Variants in SPAG6 observed in about 807,000 individuals in gnomAD.
SPAG6 encodes sperm associated antigen 6, also known as sperm-associated antigen 6.
In SPAG6, 49 loss-of-function variants were observed where a neutral mutation model predicts 58.5. That is an observed-to-expected ratio of 0.84 (90% CI 0.67 to 1.06). The LOEUF is 1.06. SPAG6 is among the 50% of genes least tolerant of loss of function. SPAG6 has a pLI of 0.00. For missense variants in SPAG6, 560 were observed against 611.3 expected (o/e 0.92, Z 0.89); for synonymous variants, 233 against 225.6 (o/e 1.03, Z -0.29).
intron 10 of SPAG6, chr10:22,412,571 A>C (rs570000933): frequency 1.0e-6 from 1 of 954,110 alleles, no homozygotes; most frequent in Non-Finnish European, 1.6e-6. Flanking sequence ...GCAGTGATAT[A>C]TCATAACATG....
chr10:22,383,096 G>A (rs573830768), intron 4 of SPAG6, among the ~76,000 whole-genome samples: 38 of 152,312 alleles, frequency 2.5e-4, no homozygotes, highest in African/African-American at 8.7e-4. Flanking sequence ...AATTTGAAAT[G>A]AGGCAATGAT....
rs1016657359 is a variant in SPAG6, at chr10:22,345,878, C to T, written c.121+60C>T. The T allele has an allele frequency of 1.9e-6, 3 of 1,581,870 alleles. No homozygotes were observed. The highest frequency in any genetic ancestry group is 2.6e-6 in the Non-Finnish European group (3 of 1,164,456). On this transcript the variant is annotated intron_variant, in intron 2 of 10. Transcript: ENST00000376624. This position sits in a 1 kb window ranked among gnomAD's most constrained non-coding sequence, Gnocchi z 6.3. ...CGCACTGAGTCCCCGACGCCTCCGC[C>T]CCGCTGCCCTGCCCGTGGAGCTCTT...
At position 22,401,371 on chromosome 10, in the gene SPAG6, C is replaced by T. The variant is rs763143208; in HGVS notation, c.1314+94C>T. 1.7e-4 allele frequency: 119 copies of T among 697,646 alleles called. 2 individuals are homozygous for T. The highest frequency in any genetic ancestry group is 1.1e-3 in the South Asian group (67 of 61,390). 43.2% of individuals were successfully genotyped at this position (697,646 alleles called of 1,614,324 possible). ...TGGGTCAGTAGCTTTTTCTGTAACA[C>T]GGGGTCATGGTTTTACTGCTTAACT... On this transcript the variant is annotated intron_variant, in intron 9 of 10. Transcript: ENST00000376624.
intron 2 of SPAG6, among the ~76,000 whole-genome samples, chr10:22,355,298 AG>A (rs1381893692): frequency 6.6e-6 from 1 of 152,144 alleles, no homozygotes; most frequent in African/African-American, 2.4e-5. Context: ...TTTCTTAGAG[AG>A]GTACCTGGCA....
intron 10 of SPAG6, among the ~76,000 whole-genome samples, chr10:22,415,412 G>T (rs752434024): frequency 2.6e-5 from 4 of 152,038 alleles, no homozygotes; most frequent in Non-Finnish European, 5.9e-5. Flanking sequence ...TAAAATTTTT[G>T]ACTAACTCAG....
chr10:22,362,145 G>T (rs1588640358), intron 2 of SPAG6, among the ~76,000 whole-genome samples: 2 of 141,678 alleles, frequency 1.4e-5, no homozygotes, highest in African/African-American at 2.6e-5. Flanking sequence ...TTTATTTTAT[G>T]TATATATATT....
intron 8 of SPAG6, among the ~76,000 whole-genome samples, chr10:22,393,526 T>A (rs1478075039): frequency 6.6e-6 from 1 of 152,214 alleles, no homozygotes; most frequent in African/African-American, 2.4e-5. Context: ...CTTTTTGAAG[T>A]AAGATAAATT....
At chr10:22,409,272 C>T (rs1275291263) in intron 9 of SPAG6, among the ~76,000 whole-genome samples, 2 of 152,162 alleles carry the variant, frequency 1.3e-5, no homozygotes, top group African/African-American at 4.8e-5. Context: ...TGAAAATTCT[C>T]CAGGCCAAAT....
chr10:22,390,358 C>T (rs1373465057), intron 7 of SPAG6, among the ~76,000 whole-genome samples: 1 of 152,068 alleles, frequency 6.6e-6, no homozygotes, highest in Admixed American at 6.6e-5. Context: ...TTCCCATATG[C>T]CTTCCTGAAA....
intron 8 of SPAG6, among the ~76,000 whole-genome samples, chr10:22,396,627 C>T (rs972240977): frequency 5.9e-5 from 9 of 151,846 alleles, no homozygotes; most frequent in African/African-American, 1.7e-4. Flanking sequence ...TAGTGAAAAA[C>T]AATTGAAATT....
chr10:22,363,660 C>T (rs935154687), intron 2 of SPAG6, among the ~76,000 whole-genome samples: 1 of 152,152 alleles, frequency 6.6e-6, no homozygotes, highest in Non-Finnish European at 1.5e-5. Context: ...TGGTCTAATC[C>T]TAAGTGTTAC....
At chr10:22,411,746 C>A (rs1339916888) in intron 10 of SPAG6, 3 of 151,712 alleles carry the variant, frequency 2.0e-5, no homozygotes, top group African/African-American at 7.3e-5. Flanking sequence ...AGCATTCAAC[C>A]TAAGCCTCGG....
At chr10:22,400,881 C>A (rs1007193194) in intron 8 of SPAG6, among the ~76,000 whole-genome samples, 1 of 151,942 alleles carries the variant, frequency 6.6e-6, no homozygotes, top group African/African-American at 2.4e-5. Flanking sequence ...TAGTCTGTAA[C>A]TTTGTGCTTT....
intron 4 of SPAG6, among the ~76,000 whole-genome samples, chr10:22,372,607 T>C (rs372353250): frequency 1.3e-5 from 2 of 152,174 alleles, no homozygotes; most frequent in Non-Finnish European, 2.9e-5. Flanking sequence ...TTCCAATGAA[T>C]GGCCGTCTGT....
At chr10:22,365,549 C>T (rs1837174004) in intron 3 of SPAG6, among the ~76,000 whole-genome samples, 1 of 152,144 alleles carries the variant, frequency 6.6e-6, no homozygotes, top group African/African-American at 2.4e-5. Flanking sequence ...TTTCCCCCTC[C>T]TATCTGGTAC....
intron 2 of SPAG6, among the ~76,000 whole-genome samples, chr10:22,349,898 G>C (rs1420609812): frequency 1.3e-5 from 2 of 152,060 alleles, no homozygotes; most frequent in Non-Finnish European, 2.9e-5. Context: ...CAGGGTAAAA[G>C]CTCCAGATTA....
At position 22,368,524 on chromosome 10, in the gene SPAG6, G is replaced by A. The variant is rs367582438; in HGVS notation, c.318G>A (p.Val106=). ...NRFYKKAAAF[V]LRAVGKHSPQ... The stretch of plus-strand genomic sequence containing the variant: ...TCTACAAGAAAGCAGCTGCCTTTGT[G>A]TTACGAGCAGTTGGTAAACATTCTC... The change falls in exon 4 of 11, where the codon GTG becomes GTA. Residue 106 remains valine (V), a synonymous_variant. Coordinates refer to ENST00000376624, the MANE Select transcript of SPAG6 (RefSeq NM_012443.4). 84 of 1,613,780 alleles carry A rather than the reference G, an allele frequency of 5.2e-5. No homozygotes were observed. The highest frequency in any genetic ancestry group is 6.8e-5 in the Non-Finnish European group (80 of 1,179,938).
chr10:22,401,138 T>C (rs764695770), intron 8 of SPAG6, 23 bp from the exon 9 acceptor site: 2 of 1,062,354 alleles, frequency 1.9e-6, no homozygotes, highest in African/African-American at 3.1e-5. Context: ...TACTTATGTA[T>C]ACATTCTGCT....
intron 4 of SPAG6, among the ~76,000 whole-genome samples, chr10:22,374,602 T>TA (rs764220934): frequency 0.011 from 1,098 of 97,120 alleles, 11 homozygotes; most frequent in Admixed American, 0.028. Context: ...ACCCTGTATG[T>TA]AAAAAAAAAA....
Sources: gnomAD v4.1 joint callset for allele counts (sites outside exome capture counted in the v4.1 genomes callset) on GRCh38, gnomAD v4.1.1 for gene constraint, Gnocchi (gnomAD v3.1) non-coding constraint, MANE v1.5 for transcripts, NCBI Gene and HGNC (gene_info 2026-07-23, HGNC 2026-07-21) for gene names.